The following MME variants were observed in gnomAD, a reference collection of about 807,000 sequenced individuals.
MME encodes the protein neprilysin.
A neutral mutation model predicts 113.2 loss-of-function variants in MME; 98 were observed. The ratio of observed to expected loss-of-function variants is 0.87; its 90% confidence interval spans 0.74 to 1.02. The LOEUF (loss-of-function observed/expected upper bound fraction) is 1.02. Ranked by LOEUF, MME falls within the 50% of genes least tolerant of loss-of-function variation. The pLI, the probability that MME is intolerant of heterozygous loss-of-function variation, is 0.00. For missense variants in MME, 836 were observed against 896.0 expected (o/e 0.93, Z 0.86); for synonymous variants, 292 against 300.6 (o/e 0.97, Z 0.30).
intron 1 of MME, among the ~76,000 whole-genome samples, chr3:155,042,848 G>T (rs1713374926): frequency 7.2e-6 from 1 of 139,368 alleles, no homozygotes; most frequent in Non-Finnish European, 1.5e-5. Context: ...TATCTTAAGA[G>T]GCCATTCAAG....
chr3:155,076,142 C>T (rs1714739877), upstream of MME, among the ~76,000 whole-genome samples: 1 of 152,192 alleles, frequency 6.6e-6, no homozygotes, highest in Non-Finnish European at 1.5e-5. Context: ...TGGAAATACT[C>T]AGGCTACACA....
chr3:155,138,765 A>T (rs185452192), intron 9 of MME, among the ~76,000 whole-genome samples: 9 of 152,182 alleles, frequency 5.9e-5, no homozygotes, highest in Admixed American at 3.3e-4. Context: ...AAGCCCAAGG[A>T]GTGTATTCCT....
chr3:155,154,615 G>A (rs1722181802), intron 16 of MME, among the ~76,000 whole-genome samples: 1 of 152,146 alleles, frequency 6.6e-6, no homozygotes, highest in South Asian at 2.1e-4. Flanking sequence ...ACACATTCTT[G>A]AGTGGCAGAG....
chr3:155,079,333 C>T (rs1714906980), upstream of MME, among the ~76,000 whole-genome samples: 1 of 151,992 alleles, frequency 6.6e-6, no homozygotes. Context: ...TTATAGTCTC[C>T]GGTCCACAGG....
At chr3:155,117,632 A>G (rs1254407736) in intron 7 of MME, among the ~76,000 whole-genome samples, 1 of 148,666 alleles carries the variant, frequency 6.7e-6, no homozygotes, top group Non-Finnish European at 1.5e-5. Context: ...TGTGTAAGAA[A>G]TTATACAAAA....
intron 8 of MME, among the ~76,000 whole-genome samples, chr3:155,127,040 T>C (rs1719735394): frequency 6.6e-6 from 1 of 151,820 alleles, no homozygotes; most frequent in Non-Finnish European, 1.5e-5. Flanking sequence ...GGGCATTTGT[T>C]CTCCAGGTTT....
At position 155,027,252 on chromosome 3, in the gene MME, T is replaced by G. The variant is rs142503734; in HGVS notation, c.-11+2928T>G. On this transcript the variant is annotated intron_variant, in intron 1 of 22. Transcript: ENST00000492661. ...CTGGATTCCTGCTCTAATCTCTCAA[T>G]GCTTCCTGTCTCTCTCTTCTCTTGT... Among the ~76,000 whole-genome samples the G allele has an allele frequency of 5.9e-5, 9 of 152,270 alleles. No homozygotes were observed. In the East Asian group the frequency reaches 1.7e-3, roughly 29 times the overall value.
intron 1 of MME, chr3:155,081,743 T>C (rs189019121): frequency 6.6e-6 from 1 of 152,132 alleles, no homozygotes; most frequent in African/African-American, 2.4e-5. Context: ...AGATTCCAGA[T>C]ACTGTCCCCT....
At chr3:155,110,443 A>G (rs1214025057) in intron 3 of MME, among the ~76,000 whole-genome samples, 1 of 152,218 alleles carries the variant, frequency 6.6e-6, no homozygotes, top group East Asian at 1.9e-4. Flanking sequence ...CCATACACAC[A>G]CAATAGACTT....
chr3:155,044,186 G>A (rs1260986994), intron 1 of MME, among the ~76,000 whole-genome samples: 5 of 129,956 alleles, frequency 3.8e-5, no homozygotes, highest in African/African-American at 1.5e-4. Flanking sequence ...TGGCTGGAGT[G>A]CAGTTGTGCA....
intron 1 of MME, among the ~76,000 whole-genome samples, chr3:155,063,033 A>C (rs1714204231): frequency 8.3e-6 from 1 of 121,092 alleles, no homozygotes; most frequent in Non-Finnish European, 1.7e-5. Flanking sequence ...ACTCCATCTC[A>C]AAAAAAAAAA....
At chr3:155,138,652 G>C (rs1224760233) in intron 9 of MME, among the ~76,000 whole-genome samples, 9 of 152,112 alleles carry the variant, frequency 5.9e-5, no homozygotes, top group Admixed American at 5.9e-4. Flanking sequence ...TCTTTGCTAA[G>C]AAGTATTAAC....
intron 1 of MME, among the ~76,000 whole-genome samples, chr3:155,057,291 T>C (rs1453114255): frequency 6.6e-6 from 1 of 151,932 alleles, no homozygotes; most frequent in Non-Finnish European, 1.5e-5. Flanking sequence ...GCAAAGAACA[T>C]GAACAGACAC....
chr3:155,055,700 G>A (rs529817097), intron 1 of MME, among the ~76,000 whole-genome samples: 1 of 152,288 alleles, frequency 6.6e-6, no homozygotes, highest in East Asian at 1.9e-4. Flanking sequence ...TTATTCTCGG[G>A]AGAGATGGAT....
chr3:155,092,278 C>T (rs1327190136), intron 3 of MME, among the ~76,000 whole-genome samples: 1 of 152,196 alleles, frequency 6.6e-6, no homozygotes, highest in Non-Finnish European at 1.5e-5. Context: ...TTAACCTGGT[C>T]AAGCTGATAC....
At chr3:155,051,466 G>T (rs544231001) in intron 1 of MME, among the ~76,000 whole-genome samples, 4 of 152,222 alleles carry the variant, frequency 2.6e-5, no homozygotes, top group Admixed American at 2.6e-4. Context: ...ACAATTCTGC[G>T]TGGCAAAGGA....
chr3:155,051,809 A>G (rs1170397292), intron 1 of MME, among the ~76,000 whole-genome samples: 2 of 152,136 alleles, frequency 1.3e-5, no homozygotes, highest in Non-Finnish European at 2.9e-5. Context: ...TGCCTTCCCA[A>G]CAGCCTCCCA....
At chr3:155,107,420 G>A (rs1717782955) in intron 3 of MME, among the ~76,000 whole-genome samples, 1 of 152,000 alleles carries the variant, frequency 6.6e-6, no homozygotes, top group Non-Finnish European at 1.5e-5. Context: ...TATATATGTG[G>A]TATGTATGTT....
rs1190616101 is a variant in MME, at chr3:155,150,897, G to A, written c.1601+2244G>A. 2.6e-5 allele frequency among the ~76,000 whole-genome samples: 4 copies of A among 152,218 alleles called. No individual in the cohort carries two copies. The East Asian group carries it at 7.7e-4, about 29-fold the overall frequency. ...AATTGCATCAAATCATTAAGACTGAGCCCTATAGGATACAACATGATCGAA... is the reference window on the plus strand; with the variant it reads ...AATTGCATCAAATCATTAAGACTGAACCCTATAGGATACAACATGATCGAA... On this transcript the variant is annotated intron_variant, in intron 16 of 22. Transcript: ENST00000360490.
Sources: gnomAD v4.1 joint callset for allele counts (sites outside exome capture counted in the v4.1 genomes callset) on GRCh38, gnomAD v4.1.1 for gene constraint, MANE v1.5 for transcripts, NCBI Gene and HGNC (gene_info 2026-07-23, HGNC 2026-07-21) for gene names.